The following PCSK2 variants were observed in gnomAD, a reference collection of about 807,000 sequenced individuals.
PCSK2 encodes the protein neuroendocrine convertase 2.
PCSK2 carries 14 observed loss-of-function variants against 69.7 expected under a neutral mutation model. That is an observed-to-expected ratio of 0.20 (90% CI 0.13 to 0.31). The LOEUF (loss-of-function observed/expected upper bound fraction) is 0.31. Ranked by LOEUF, PCSK2 falls within the 10% of genes least tolerant of loss-of-function variation. The probability of loss-of-function intolerance (pLI) is 1.00; values close to 1 mark genes in which losing one functional copy is unlikely to be tolerated. For synonymous variants in PCSK2, 307 were observed against 320.7 expected, an observed-to-expected ratio of 0.96 and a Z score of 0.46; for missense variants, 544 against 842.5, an observed-to-expected ratio of 0.65 and a Z score of 4.39.
intron 5 of PCSK2, among the ~76,000 whole-genome samples, chr20:17,386,790 A>G (rs2031246759): frequency 1.3e-5 from 2 of 152,204 alleles, no homozygotes; most frequent in South Asian, 4.1e-4. Flanking sequence ...CATATTTTTT[A>G]CCACTATTAC....
intron 6 of PCSK2, among the ~76,000 whole-genome samples, chr20:17,414,835 C>T (rs781730258): frequency 6.6e-6 from 1 of 152,188 alleles, no homozygotes; most frequent in Non-Finnish European, 1.5e-5. Flanking sequence ...AGCTTATCCG[C>T]CACGATCAAG....
At chr20:17,404,972 G>T (rs897787064) in intron 5 of PCSK2, among the ~76,000 whole-genome samples, 1 of 152,184 alleles carries the variant, frequency 6.6e-6, no homozygotes, top group African/African-American at 2.4e-5. Context: ...CAGGCCATGG[G>T]CTGATTTAGC....
chr20:17,440,499 C>T (rs188687543), intron 8 of PCSK2, among the ~76,000 whole-genome samples: 7 of 152,296 alleles, frequency 4.6e-5, no homozygotes, highest in East Asian at 1.9e-4. Flanking sequence ...CTGAGCCACA[C>T]GCCATTTGTC....
intron 2 of PCSK2, among the ~76,000 whole-genome samples, chr20:17,336,554 C>T (rs6080639): frequency 0.18 from 27,620 of 152,106 alleles, 2,902 homozygotes; most frequent in Middle Eastern, 0.27. Flanking sequence ...ATCAGGCAAA[C>T]GGCAGTCCAC....
At chr20:17,402,965 AAAGAAAAGAAAAG>A (rs1418303101) in intron 5 of PCSK2, among the ~76,000 whole-genome samples, 2 of 152,164 alleles carry the variant, frequency 1.3e-5, no homozygotes, top group Non-Finnish European at 2.9e-5. Context: ...TCAAAAAAAA[AAAGAAAAGAAAAG>A]AAGAAAAGAA....
intron 5 of PCSK2, among the ~76,000 whole-genome samples, chr20:17,398,523 CAAAAAAAAAAA>C (rs36062712): frequency 2.3e-5 from 2 of 85,236 alleles, no homozygotes; most frequent in Admixed American, 3.0e-4. Context: ...GATCCTGTCT[CAAAAAAAAAAA>C]AAAAAAAAAA....
Position 17,482,160 on chromosome 20 carries a change from T to C in PCSK2, c.*90T>C. On this transcript the variant is annotated 3_prime_UTR_variant, in exon 12 of 12. Transcript: ENST00000262545. ...TTCAGGCAGGCACCTAGCAATTCCA[T>C]CACCCGTACAGGCAATTCCGTCTTC... 1 of 1,231,920 alleles carries C rather than the reference T, an allele frequency of 8.1e-7. No homozygotes were observed. Among genetic ancestry groups the C allele is most frequent in the Non-Finnish European group, 1.1e-6 (1 of 903,714 alleles). 76.3% of individuals were successfully genotyped at this position (1,231,920 alleles called of 1,614,324 possible).
At chr20:17,444,048 G>A (rs2032649160) in intron 8 of PCSK2, among the ~76,000 whole-genome samples, 1 of 152,170 alleles carries the variant, frequency 6.6e-6, no homozygotes, top group African/African-American at 2.4e-5. Context: ...TAGCATTTTG[G>A]AAGTGAGGGT....
intron 11 of PCSK2, among the ~76,000 whole-genome samples, chr20:17,468,073 C>T (rs6105758): frequency 4.3e-4 from 21 of 49,224 alleles, no homozygotes; most frequent in African/African-American, 1.1e-3. Flanking sequence ...CATCCTCCCA[C>T]GGGCCAGTGT....
At chr20:17,264,368 C>A (rs1392115943) in intron 2 of PCSK2, among the ~76,000 whole-genome samples, 1 of 152,206 alleles carries the variant, frequency 6.6e-6, no homozygotes, top group African/African-American at 2.4e-5. Flanking sequence ...TTCAGTTTTA[C>A]AAGTCAGAAA....
At chr20:17,388,959 T>C (rs2031305887) in intron 5 of PCSK2, among the ~76,000 whole-genome samples, 1 of 152,068 alleles carries the variant, frequency 6.6e-6, no homozygotes, top group Non-Finnish European at 1.5e-5. Context: ...GCTTAGTAAA[T>C]CTCCTTTGAT....
intron 3 of PCSK2, among the ~76,000 whole-genome samples, chr20:17,359,909 T>C (rs1032243291): frequency 6.6e-6 from 1 of 152,188 alleles, no homozygotes; most frequent in African/African-American, 2.4e-5. Context: ...CTTTCTTTTC[T>C]GAAATATTTT....
chr20:17,305,954 G>A (rs1244612921), intron 2 of PCSK2, among the ~76,000 whole-genome samples: 1 of 152,160 alleles, frequency 6.6e-6, no homozygotes, highest in East Asian at 1.9e-4. Flanking sequence ...CATTCGCATT[G>A]TGAGTGCTAC....
intron 2 of PCSK2, among the ~76,000 whole-genome samples, chr20:17,317,777 G>T (rs557603990): frequency 1.3e-5 from 2 of 152,240 alleles, no homozygotes; most frequent in South Asian, 4.1e-4. Flanking sequence ...CATGGGAAGA[G>T]TTTCTTTTTT....
chr20:17,477,072 T>C (rs943343480), intron 11 of PCSK2, among the ~76,000 whole-genome samples: 1 of 152,100 alleles, frequency 6.6e-6, no homozygotes, highest in Non-Finnish European at 1.5e-5. Context: ...CTCCAGAGAG[T>C]ATTAATGAAC....
intron 2 of PCSK2, among the ~76,000 whole-genome samples, chr20:17,341,447 A>G (rs2123172777): frequency 6.6e-6 from 1 of 152,168 alleles, no homozygotes; most frequent in East Asian, 1.9e-4. Context: ...TCCTTTCCAT[A>G]AGCTGTGTAT....
At position 17,249,215 on chromosome 20, in the gene PCSK2, TG is replaced by T. The variant is rs558783419; in HGVS notation, c.178-11024del. On this transcript the variant is annotated intron_variant, in intron 1 of 11. Coordinates refer to ENST00000262545, the MANE Select transcript of PCSK2 (RefSeq NM_002594.5). ...TTGGAAATAATTTAGACTTTAAAAATGTTGCATTAAGTCGGGCGCGGTGGCT... is the reference window on the plus strand; with the variant it reads ...TTGGAAATAATTTAGACTTTAAAAATTTGCATTAAGTCGGGCGCGGTGGCT... Among the ~76,000 whole-genome samples, 9 of 152,312 alleles carry T rather than the reference TG, an allele frequency of 5.9e-5. No individual in the cohort carries two copies. The East Asian group carries it at 1.7e-3, about 29-fold the overall frequency.
chr20:17,227,082 C>T lies in PCSK2; in HGVS notation c.-224C>T, dbSNP rs1462048815. On this transcript the variant is annotated 5_prime_UTR_variant, in exon 1 of 12. Transcript: ENST00000262545. ...CACACAGCTCCCCACATTCGCACCC[C>T]TGCCCGCGCGCCGGGCCGCCTGACT... 1.8e-6 allele frequency: 1 copy of T among 552,554 alleles called. No individual in the cohort carries two copies. Among genetic ancestry groups the T allele is most frequent in the South Asian group, 2.5e-5 (1 of 40,512 alleles). 34.2% of individuals were successfully genotyped at this position (552,554 alleles called of 1,614,324 possible).
At chr20:17,328,844 A>G (rs1448203573) in intron 2 of PCSK2, among the ~76,000 whole-genome samples, 1 of 152,214 alleles carries the variant, frequency 6.6e-6, no homozygotes, top group Non-Finnish European at 1.5e-5. Flanking sequence ...GTCGACAGTC[A>G]TGAAATTACA....
Sources: gnomAD v4.1 joint callset for allele counts (sites outside exome capture counted in the v4.1 genomes callset) on GRCh38, gnomAD v4.1.1 for gene constraint, MANE v1.5 for transcripts, NCBI Gene and HGNC (gene_info 2026-07-23, HGNC 2026-07-21) for gene names.